Variants in GALNT13 observed in about 807,000 individuals in gnomAD.
GALNT13 encodes the protein polypeptide N-acetylgalactosaminyltransferase 13.
Under a neutral mutation model 64.2 loss-of-function variants are expected in GALNT13, and 28 were observed. The ratio of observed to expected loss-of-function variants is 0.44; its 90% CI spans 0.32 to 0.60. The LOEUF is 0.60. Ranked by LOEUF, GALNT13 falls within the 20% of genes least tolerant of loss-of-function variation. GALNT13 has a pLI of 0.05. For synonymous variants in GALNT13, 214 were observed against 224.6 expected, an observed-to-expected ratio of 0.95 and a Z score of 0.42; for missense variants, 577 against 669.8, an observed-to-expected ratio of 0.86 and a Z score of 1.53.
At chr2:153,839,127 T>G in the GALNT13 span, among the ~76,000 whole-genome samples, 1 of 151,954 alleles carries the variant, frequency 6.6e-6, no homozygotes. Context: ...ATTCTGCAAC[T>G]TCACTGAATT....
At chr2:153,265,584 C>G in the GALNT13 span, among the ~76,000 whole-genome samples, 1 of 152,136 alleles carries the variant, frequency 6.6e-6, no homozygotes, top group Admixed American at 6.6e-5. Context: ...CAAGACTGTC[C>G]TTTGTACCCT....
At chr2:153,835,007 G>A in the GALNT13 span, among the ~76,000 whole-genome samples, 32 of 151,996 alleles carry the variant, frequency 2.1e-4, no homozygotes, top group Admixed American at 1.8e-3. Context: ...GAAAAGACAC[G>A]CGAAGAAAAA....
At chr2:153,690,106 T>C in the GALNT13 span, among the ~76,000 whole-genome samples, 350 of 152,248 alleles carry the variant, frequency 2.3e-3, 4 homozygotes, top group Admixed American at 0.022. Context: ...ATTTCAGCAG[T>C]TGTATTTTTC....
Position 153,997,137 on chromosome 2 carries a change from T to G in GALNT13, c.142+52498T>G, listed in dbSNP as rs1475283727. Among the ~76,000 whole-genome samples, 6 of 152,154 alleles carry G rather than the reference T, an allele frequency of 3.9e-5. No homozygotes were observed. The South Asian group carries it at 6.2e-4, about 16-fold the overall frequency. ...TCCATCCTTGTTTTTTTGCTCAAGA[T>G]TCCTTTGACTATTCTGGGTCTTTTG... On this transcript the variant is annotated intron_variant, in intron 3 of 12. Transcript: ENST00000392825.
chr2:153,181,652 A>T, the GALNT13 span, among the ~76,000 whole-genome samples: 1 of 146,226 alleles, frequency 6.8e-6, no homozygotes, highest in Non-Finnish European at 1.5e-5. Context: ...TATATTATAT[A>T]TTAAATTTAT....
At chr2:153,261,863 T>C in the GALNT13 span, among the ~76,000 whole-genome samples, 1 of 152,108 alleles carries the variant, frequency 6.6e-6, no homozygotes, top group Non-Finnish European at 1.5e-5. Context: ...ACAGCAACTA[T>C]TGCCTGGCTA....
the GALNT13 span, among the ~76,000 whole-genome samples, chr2:153,866,033 T>C: frequency 7.7e-5 from 4 of 51,784 alleles, no homozygotes; most frequent in Admixed American, 2.4e-4. Flanking sequence ...AAATTGGAAA[T>C]CATCATTCTC....
chr2:153,861,420 A>C, the GALNT13 span, among the ~76,000 whole-genome samples: 1 of 152,210 alleles, frequency 6.6e-6, no homozygotes, highest in Non-Finnish European at 1.5e-5. Context: ...TAGACAAATA[A>C]AATGACAACT....
chr2:153,554,058 G>C, the GALNT13 span, among the ~76,000 whole-genome samples: 5 of 151,928 alleles, frequency 3.3e-5, no homozygotes, highest in African/African-American at 1.2e-4. Context: ...GTAAGAACAA[G>C]TTTGCCCCAG....
the GALNT13 span, among the ~76,000 whole-genome samples, chr2:153,310,442 C>A: frequency 6.6e-6 from 1 of 152,080 alleles, no homozygotes; most frequent in Non-Finnish European, 1.5e-5. Flanking sequence ...TATTTTGCCA[C>A]CCCTGAGACA....
At chr2:153,291,696 G>A in the GALNT13 span, among the ~76,000 whole-genome samples, 6 of 139,874 alleles carry the variant, frequency 4.3e-5, no homozygotes, top group South Asian at 2.4e-4. Context: ...AACTATGTCT[G>A]TTGCATAATT....
chr2:154,089,311 G>A (rs1701684697), intron 3 of GALNT13, among the ~76,000 whole-genome samples: 1 of 151,982 alleles, frequency 6.6e-6, no homozygotes, highest in Admixed American at 6.6e-5. Context: ...GTACTCGGTG[G>A]AGTGATAACA....
Position 154,450,846 on chromosome 2 carries a change from G to T in GALNT13, c.*295G>T. 4.4e-6 allele frequency: 1 copy of T among 228,338 alleles called. No homozygotes were observed. The highest frequency in any genetic ancestry group is 8.5e-6 in the Non-Finnish European group (1 of 117,124). 14.1% of individuals were successfully genotyped at this position (228,338 alleles called of 1,614,324 possible). On this transcript the variant is annotated 3_prime_UTR_variant, in exon 13 of 13. Transcript: ENST00000392825. The stretch of plus-strand genomic sequence containing the variant: ...AATGTTTATTGCACTCATGTCATAG[G>T]GTTAATTGGAGGTTATTTTATTTTT...
chr2:153,835,289 T>C, the GALNT13 span, among the ~76,000 whole-genome samples: 2 of 152,034 alleles, frequency 1.3e-5, no homozygotes, highest in East Asian at 3.9e-4. Flanking sequence ...TCTTACATGT[T>C]GTATCCCAAG....
intron 1 of GALNT13, among the ~76,000 whole-genome samples, chr2:153,884,148 A>G (rs1686974023): frequency 6.6e-6 from 1 of 152,056 alleles, no homozygotes; most frequent in African/African-American, 2.4e-5. Flanking sequence ...TACAAAGATA[A>G]CCAACAAGAG....
At chr2:153,965,714 AT>A (rs1693284692) in intron 3 of GALNT13, among the ~76,000 whole-genome samples, 1 of 151,602 alleles carries the variant, frequency 6.6e-6, no homozygotes, top group African/African-American at 2.4e-5. Flanking sequence ...TGTAGTTACC[AT>A]AAGACTTGTA....
chr2:153,177,283 A>T, the GALNT13 span, among the ~76,000 whole-genome samples: 1 of 152,110 alleles, frequency 6.6e-6, no homozygotes, highest in African/African-American at 2.4e-5. Context: ...TGTACTTCTG[A>T]CAATAACTAC....
At chr2:153,350,384 CTTT>C in the GALNT13 span, among the ~76,000 whole-genome samples, 2 of 129,962 alleles carry the variant, frequency 1.5e-5, no homozygotes, top group Non-Finnish European at 1.6e-5. Context: ...TTCTTTCTTT[CTTT>C]TTTTTTTTTT....
chr2:153,606,130 C>T, the GALNT13 span, among the ~76,000 whole-genome samples: 150 of 152,114 alleles, frequency 9.9e-4, no homozygotes, highest in Non-Finnish European at 1.1e-3. Flanking sequence ...GAAAGCAGGG[C>T]AGGGTTAACA....
Sources: allele counts gnomAD v4.1 joint callset (sites outside exome capture counted in the v4.1 genomes callset), GRCh38; gene constraint gnomAD v4.1.1; transcripts MANE v1.5; gene names NCBI Gene and HGNC (gene_info 2026-07-23, HGNC 2026-07-21).